AK4: variants seen among roughly 807,000 people sequenced by gnomAD.
AK4 encodes adenylate kinase 4, mitochondrial.
A neutral mutation model predicts 24.6 loss-of-function variants in AK4; 13 were observed. The observed-to-expected ratio is 0.53, with a 90% CI of 0.34 to 0.84. The LOEUF is 0.84. AK4 is among the 40% of genes least tolerant of loss of function. AK4 has a pLI of 0.01. For synonymous variants in AK4, 88 were observed against 107.0 expected (o/e 0.82, Z 1.10); for missense variants, 192 against 288.2 (o/e 0.67, Z 2.42).
At chr1:65,149,663 C>G (rs1181218403) in intron 1 of AK4, among the ~76,000 whole-genome samples, 1 of 152,114 alleles carries the variant, frequency 6.6e-6, no homozygotes, top group African/African-American at 2.4e-5. Context: ...TACCAGAAAA[C>G]AAAAGGAAAG....
chr1:65,223,792 C>T (rs1299734960), intron 3 of AK4, among the ~76,000 whole-genome samples: 3 of 152,012 alleles, frequency 2.0e-5, no homozygotes, highest in Non-Finnish European at 4.4e-5. Context: ...GTCAGGAGTT[C>T]GAGACCAGCC....
intron 1 of AK4, among the ~76,000 whole-genome samples, chr1:65,152,191 T>A (rs1649792401): frequency 6.6e-6 from 1 of 151,524 alleles, no homozygotes; most frequent in Non-Finnish European, 1.5e-5. Context: ...TGGTATTTTT[T>A]AAAACCACAT....
intron 4 of AK4, among the ~76,000 whole-genome samples, chr1:65,225,366 TG>T (rs1480737327): frequency 6.6e-6 from 1 of 151,994 alleles, no homozygotes; most frequent in African/African-American, 2.4e-5. Context: ...TCAAACATGG[TG>T]GGGGATGTGT....
chr1:65,184,510 C>CT (rs1177626617), intron 1 of AK4, among the ~76,000 whole-genome samples: 1 of 152,116 alleles, frequency 6.6e-6, no homozygotes, highest in African/African-American at 2.4e-5. Flanking sequence ...TGAAACCTTC[C>CT]TAGTGTTTTC....
At chr1:65,153,124 A>T (rs1383732080) in intron 1 of AK4, among the ~76,000 whole-genome samples, 1 of 152,096 alleles carries the variant, frequency 6.6e-6, no homozygotes, top group Non-Finnish European at 1.5e-5. Flanking sequence ...CTCCATATCC[A>T]CTTATTGTTG....
intron 1 of AK4, among the ~76,000 whole-genome samples, chr1:65,172,103 A>ATATTTTTT (rs1553122938): frequency 8.7e-6 from 1 of 115,500 alleles, no homozygotes; most frequent in East Asian, 3.0e-4. Context: ...ATATATATAT[A>ATATTTTTT]TTTAAACTCA....
intron 2 of AK4, among the ~76,000 whole-genome samples, chr1:65,209,153 G>A (rs7526688): frequency 0.37 from 55,741 of 152,098 alleles, 10,579 homozygotes; most frequent in East Asian, 0.67. Context: ...TAGGGGATGA[G>A]GGATAGCGAT....
upstream of AK4, chr1:65,147,792 C>T (rs1049151314): frequency 6.6e-6 from 1 of 152,534 alleles, no homozygotes; most frequent in Non-Finnish European, 1.5e-5. Flanking sequence ...GCGCGGGCGG[C>T]GGGCAGCGGC....
chr1:65,223,240 G>C (rs1652349571), intron 3 of AK4, among the ~76,000 whole-genome samples: 1 of 151,622 alleles, frequency 6.6e-6, no homozygotes, highest in Non-Finnish European at 1.5e-5. Context: ...TGTCACCCAG[G>C]CTGGAGTGCA....
At chr1:65,197,513 G>A (rs1305514506) in intron 2 of AK4, among the ~76,000 whole-genome samples, 1 of 152,190 alleles carries the variant, frequency 6.6e-6, no homozygotes, top group Non-Finnish European at 1.5e-5. Context: ...AACCTGGTTT[G>A]TTTGTTTCAT....
intron 2 of AK4, among the ~76,000 whole-genome samples, chr1:65,205,747 AT>A (rs1651792136): frequency 6.6e-6 from 1 of 152,040 alleles, no homozygotes; most frequent in Non-Finnish European, 1.5e-5. Context: ...TCAGATTTCT[AT>A]TTCAATAATA....
rs150603191 is a variant in AK4, at chr1:65,149,742, C to CG, written c.145+1192dup. 3.1e-3 allele frequency among the ~76,000 whole-genome samples: 474 copies of CG among 152,254 alleles called. 3 individuals carry two copies. Among genetic ancestry groups the CG allele is most frequent in the African/African-American group, 0.011 (458 of 41,548 alleles). ...TTATCTCTTAAGCAGATTGAAAAAG[C>CG]GGACTTTTACAGGAAACTCTTCCCC... On this transcript the variant is annotated intron_variant, in intron 1 of 4. Coordinates refer to ENST00000327299, the MANE Select transcript of AK4 (RefSeq NM_013410.4).
intron 2 of AK4, among the ~76,000 whole-genome samples, chr1:65,191,970 G>A (rs1444177580): frequency 5.9e-5 from 9 of 152,208 alleles, no homozygotes; most frequent in Admixed American, 5.9e-4. Context: ...TGTGGCTGAT[G>A]TTAGGTACTA....
chr1:65,211,547 G>T (rs1651971887), intron 2 of AK4, among the ~76,000 whole-genome samples: 3 of 152,216 alleles, frequency 2.0e-5, no homozygotes, highest in African/African-American at 7.2e-5. Flanking sequence ...TTTAAAGCTA[G>T]ATTAGTCACT....
intron 1 of AK4, among the ~76,000 whole-genome samples, chr1:65,153,821 A>T (rs1317431518): frequency 6.6e-6 from 1 of 152,170 alleles, no homozygotes; most frequent in African/African-American, 2.4e-5. Context: ...AGGTTGTTCC[A>T]GGAAGAAGGA....
chr1:65,191,734 A>T (rs1056146912), intron 2 of AK4, among the ~76,000 whole-genome samples: 1 of 152,056 alleles, frequency 6.6e-6, no homozygotes, highest in South Asian at 2.1e-4. Flanking sequence ...GTTGTTAAGT[A>T]GGGGTATAAT....
chr1:65,152,417 T>G (rs1409866673), intron 1 of AK4, among the ~76,000 whole-genome samples: 2 of 102,866 alleles, frequency 1.9e-5, no homozygotes, highest in Non-Finnish European at 3.7e-5. Flanking sequence ...TTTTTTTTTT[T>G]TTTGAGCCGG....
chr1:65,162,714 A>G (rs974318709), intron 1 of AK4, among the ~76,000 whole-genome samples: 9 of 152,138 alleles, frequency 5.9e-5, no homozygotes, highest in Admixed American at 2.0e-4. Flanking sequence ...GTTTTCCTAT[A>G]TTTTACAGAG....
At chr1:65,203,570 G>A (rs992985648) in intron 2 of AK4, among the ~76,000 whole-genome samples, 3 of 152,094 alleles carry the variant, frequency 2.0e-5, no homozygotes, top group African/African-American at 4.8e-5. Context: ...TTTGGAGGAC[G>A]AGGTGGGTGG....
Sources: allele counts gnomAD v4.1 joint callset (sites outside exome capture counted in the v4.1 genomes callset), GRCh38; gene constraint gnomAD v4.1.1; transcripts MANE v1.5; gene names NCBI Gene and HGNC (gene_info 2026-07-23, HGNC 2026-07-21).